TMEM88: variants seen among roughly 807,000 people sequenced by gnomAD.
TMEM88 encodes transmembrane protein 88.
A neutral mutation model predicts 10.0 loss-of-function variants in TMEM88; 8 were observed. The ratio of observed to expected loss-of-function variants is 0.80; its 90% CI spans 0.47 to 1.44. The LOEUF is 1.44. TMEM88 is among the 40% of genes most tolerant of loss of function. The pLI is 0.00. For synonymous variants in TMEM88, 139 were observed against 104.9 expected (o/e 1.33, Z -1.99); for missense variants, 255 against 217.8 (o/e 1.17, Z -1.07).
In TMEM88 at chr17:7,855,117, G is replaced by A. The variant is rs771445035; in HGVS notation, c.43G>A (p.Gly15Ser). Residue 15 changes from glycine to serine, a missense_variant, in exon 1 of 2, where the codon GGC (glycine) becomes AGC (serine). By Grantham distance (56) the Gly-to-Ser change is moderately conservative (BLOSUM62 0). Coordinates refer to ENST00000301599, the MANE Select transcript of TMEM88 (RefSeq NM_203411.2). Reference sequence around the variant, plus strand: ...GGCACAGCGAGCGGTTCCTGGTGACGGCCCAGAGCCCCGGGACCCCCTGGA... The same window carrying A: ...GGCACAGCGAGCGGTTCCTGGTGACAGCCCAGAGCCCCGGGACCCCCTGGA... ...PGAQRAVPGDGPEPRDPLDCW... is the reference protein window; with the variant it reads ...PGAQRAVPGDSPEPRDPLDCW... The A allele has an allele frequency of 1.2e-6, 2 of 1,608,532 alleles. No homozygotes were observed. The highest frequency in any genetic ancestry group is 1.7e-6 in the Non-Finnish European group (2 of 1,179,658).
Position 7,855,803 on chromosome 17 carries a change from G to T in TMEM88, c.*89G>T. On this transcript the variant is annotated 3_prime_UTR_variant, in exon 2 of 2. Transcript: ENST00000301599. Reference sequence around the variant, plus strand: ...AGCCCGGCATCTTCCGACCTGCCCTGCCCCCACCCCTGCCTGAGCGGAGTC... The same window carrying T: ...AGCCCGGCATCTTCCGACCTGCCCTTCCCCCACCCCTGCCTGAGCGGAGTC... 7.0e-7 allele frequency: 1 copy of T among 1,435,778 alleles called. No individual in the cohort carries two copies. The allele number at this position is 1,435,778 out of a possible 1,614,324, so 88.9% of individuals were successfully genotyped here.
chr17:7,855,480 C>T lies in TMEM88; in HGVS notation c.246C>T (p.His82=), dbSNP rs143544768. ...LRSQAPPCTA[H]LRDPGFTALL... is the part of the protein sequence containing the mutation. ...CCCAGGCACCCCCTTGCACCGCGCA[C>T]CTGCGGGACCCCGGTTTCACGGCCC... The change falls in exon 2 of 2, where the codon CAC becomes CAT. Residue 82 remains histidine, a synonymous_variant. Transcript: ENST00000301599. The T allele has an allele frequency of 6.0e-5, 96 of 1,607,364 alleles. No homozygotes were observed. In the African/African-American group the frequency reaches 1.1e-3, roughly 18 times the overall value.
In TMEM88 at chr17:7,855,655, C is replaced by G. The variant is rs199963851; in HGVS notation, c.421C>G (p.Gln141Glu). Residue 141 changes from glutamine (Q) to glutamate (E), a missense_variant, in exon 2 of 2, where the codon CAA becomes GAA. By Grantham distance (29) the Gln-to-Glu change is conservative (BLOSUM62 2). Transcript: ENST00000301599. ...YRRRRAPQPR[Q>E]IRASPGSQAV... ...GCGTCGGCGCGCCCCGCAGCCGCGG[C>G]AAATCCGGGCCTCACCAGGGTCCCA... 132 of 1,606,502 alleles carry G rather than the reference C, an allele frequency of 8.2e-5. 1 individual carries two copies. In the African/African-American group the frequency reaches 1.4e-3, roughly 18 times the overall value.
rs933825947 is a variant in TMEM88, at chr17:7,855,942, G to C, written c.*228G>C. ...CCACATCTCAATCCTGAACATCTAGGCTGGAACCTGCACACCTCCCCCTCA... is the reference window on the plus strand; with the variant it reads ...CCACATCTCAATCCTGAACATCTAGCCTGGAACCTGCACACCTCCCCCTCA... On this transcript the variant is annotated 3_prime_UTR_variant, in exon 2 of 2. Transcript: ENST00000301599. 3.0e-5 allele frequency: 40 copies of C among 1,342,938 alleles called. No homozygotes were observed. Among genetic ancestry groups the C allele is most frequent in the Non-Finnish European group, 3.6e-5 (38 of 1,049,868 alleles). The allele number at this position is 1,342,938 out of a possible 1,614,324, so 83.2% of individuals were successfully genotyped here. A position where few individuals can be genotyped will look rare whatever the true frequency, so the allele number is the denominator to read the frequency against.
At position 7,855,946 on chromosome 17, in the gene TMEM88, G is replaced by T; in HGVS notation, c.*232G>T. On this transcript the variant is annotated 3_prime_UTR_variant, in exon 2 of 2. Coordinates refer to ENST00000301599, the MANE Select transcript of TMEM88 (RefSeq NM_203411.2). ...ATCTCAATCCTGAACATCTAGGCTG[G>T]AACCTGCACACCTCCCCCTCAGCTC... 3 of 1,333,954 alleles carry T rather than the reference G, an allele frequency of 2.2e-6. No individual in the cohort carries two copies. Among genetic ancestry groups the T allele is most frequent in the Non-Finnish European group, 2.9e-6 (3 of 1,044,568 alleles). 82.6% of individuals were successfully genotyped at this position (1,333,954 alleles called of 1,614,324 possible). A position where few individuals can be genotyped will look rare whatever the true frequency, so the allele number is the denominator to read the frequency against.
In TMEM88 at chr17:7,855,752, C is replaced by G. The variant is rs751379397; in HGVS notation, c.*38C>G. On this transcript the variant is annotated 3_prime_UTR_variant, in exon 2 of 2. Transcript: ENST00000301599. ...CAAGAACAACCCTGACGGCTGCCCT[C>G]CCTCTTATTCGGCCCAAGGACTTGA... 6.8e-7 allele frequency: 1 copy of G among 1,473,136 alleles called. No individual in the cohort carries two copies. The highest frequency in any genetic ancestry group is 2.4e-5 in the East Asian group (1 of 40,952). 91.3% of individuals were successfully genotyped at this position (1,473,136 alleles called of 1,614,324 possible). A position where few individuals can be genotyped will look rare whatever the true frequency, so the allele number is the denominator to read the frequency against.
chr17:7,855,744 G>C lies in TMEM88; in HGVS notation c.*30G>C. Reference sequence around the variant, plus strand: ...CCTCGAGTCAAGAACAACCCTGACGGCTGCCCTCCCTCTTATTCGGCCCAA... The same window carrying C: ...CCTCGAGTCAAGAACAACCCTGACGCCTGCCCTCCCTCTTATTCGGCCCAA... On this transcript the variant is annotated 3_prime_UTR_variant, in exon 2 of 2. Coordinates refer to ENST00000301599, the MANE Select transcript of TMEM88 (RefSeq NM_203411.2). 6.7e-7 allele frequency: 1 copy of C among 1,489,956 alleles called. No individual in the cohort carries two copies. Among genetic ancestry groups the C allele is most frequent in the Non-Finnish European group, 8.9e-7 (1 of 1,117,508 alleles). 92.3% of individuals were successfully genotyped at this position (1,489,956 alleles called of 1,614,324 possible). A position where few individuals can be genotyped will look rare whatever the true frequency, so the allele number is the denominator to read the frequency against.
rs1177358906 is a variant in TMEM88, at chr17:7,855,991, A to G, written c.*277A>G. The G allele has an allele frequency of 1.7e-5, 22 of 1,259,136 alleles. No homozygotes were observed. The highest frequency in any genetic ancestry group is 1.9e-5 in the Non-Finnish European group (19 of 998,124). 78.0% of individuals were successfully genotyped at this position (1,259,136 alleles called of 1,614,324 possible). Reference sequence around the variant, plus strand: ...CAGCTCCGTCGTGAATGGGACAACAATCTCGTGCCCTCGTTTTATGGTGCA... The same window carrying G: ...CAGCTCCGTCGTGAATGGGACAACAGTCTCGTGCCCTCGTTTTATGGTGCA... On this transcript the variant is annotated 3_prime_UTR_variant, in exon 2 of 2. Transcript: ENST00000301599.
rs1555597086 is a variant in TMEM88, at chr17:7,855,299, C to T, written c.210+15C>T. 4.0e-5 allele frequency: 63 copies of T among 1,588,978 alleles called. No homozygotes were observed. Among genetic ancestry groups the T allele is most frequent in the Non-Finnish European group, 5.3e-5 (62 of 1,170,010 alleles). ...GCCACTCTCAGGTGAGCGTGCGCCC[C>T]GGGGTGTGCGTGTGAGTGTGAGTGT... On this transcript the variant is annotated intron_variant, in intron 1 of 1. Transcript: ENST00000301599.
Position 7,855,541 on chromosome 17 carries a change from C to T in TMEM88, c.307C>T (p.Leu103Phe). 1 of 1,608,616 alleles carries T rather than the reference C, an allele frequency of 6.2e-7. No individual in the cohort carries two copies. Among genetic ancestry groups the T allele is most frequent in the East Asian group, 2.2e-5 (1 of 44,878 alleles). ...CGGATTCCTGCTCCTCGTGCCGCTG[C>T]TCGTGCTTGCTCTGGCCAGCTACCG... ...VTGFLLLVPL[L>F]VLALASYRRL... Residue 103 changes from leucine (L) to phenylalanine (F), a missense_variant, in exon 2 of 2, where the codon CTC becomes TTC. Transcript: ENST00000301599.
rs539248262 is a variant in TMEM88 at position 7,855,220 on chromosome 17, T to C, written c.146T>C (p.Val49Ala). The C allele has an allele frequency of 6.2e-7, 1 of 1,608,560 alleles. No individual in the cohort carries two copies. The highest frequency in any genetic ancestry group is 2.2e-5 in the East Asian group (1 of 44,694). ...AAFNLLLLVL[V>A]LGTILLPAVT... ...TTCAATCTTCTCCTGCTGGTGCTGGTGCTAGGGACCATCTTGCTACCCGCT... is the reference window on the plus strand; with the variant it reads ...TTCAATCTTCTCCTGCTGGTGCTGGCGCTAGGGACCATCTTGCTACCCGCT... Residue 49 changes from valine to alanine, a missense_variant, in exon 1 of 2, where the codon GTG (valine) becomes GCG (alanine). Coordinates refer to ENST00000301599, the MANE Select transcript of TMEM88 (RefSeq NM_203411.2).
In TMEM88 at chr17:7,855,837, C is replaced by T. The variant is rs1015815837; in HGVS notation, c.*123C>T. On this transcript the variant is annotated 3_prime_UTR_variant, in exon 2 of 2. Transcript: ENST00000301599. ...CCTGCCTGAGCGGAGTCCTAGCATC[C>T]CCTTGGGAGCAGCAGCGTCAGTGGA... 61 of 1,422,864 alleles carry T rather than the reference C, an allele frequency of 4.3e-5. No homozygotes were observed. The highest frequency in any genetic ancestry group is 5.4e-5 in the Non-Finnish European group (59 of 1,091,192). 88.1% of individuals were successfully genotyped at this position (1,422,864 alleles called of 1,614,324 possible).
In TMEM88 at chr17:7,855,474, C is replaced by T; in HGVS notation, c.240C>T (p.Thr80=). Residue 80 remains threonine, a synonymous_variant, in exon 2 of 2, where the codon ACC becomes ACT. Transcript: ENST00000301599. ...TGCGCTCCCAGGCACCCCCTTGCAC[C>T]GCGCACCTGCGGGACCCCGGTTTCA... The part of the protein sequence containing the change: ...QFLRSQAPPC[T]AHLRDPGFTA... 1 of 1,606,540 alleles carries T rather than the reference C, an allele frequency of 6.2e-7. No homozygotes were observed. The highest frequency in any genetic ancestry group is 1.3e-5 in the African/African-American group (1 of 75,038).
At position 7,856,067 on chromosome 17, in the gene TMEM88, G is replaced by A; in HGVS notation, c.*353G>A. ...GGGGCGGGGCTGGAGGGGAAGGAGT[G>A]TCCACGCATCAATAAAGATTTAACG... On this transcript the variant is annotated 3_prime_UTR_variant, in exon 2 of 2. Coordinates refer to ENST00000301599, the MANE Select transcript of TMEM88 (RefSeq NM_203411.2). 1 of 951,930 alleles carries A rather than the reference G, an allele frequency of 1.1e-6. No individual in the cohort carries two copies. The highest frequency in any genetic ancestry group is 1.4e-6 in the Non-Finnish European group (1 of 720,084). The allele number at this position is 951,930 out of a possible 1,614,324, so 59.0% of individuals were successfully genotyped here.
chr17:7,855,215 G>A lies in TMEM88; in HGVS notation c.141G>A (p.Val47=), dbSNP rs746355319. 4.4e-6 allele frequency: 7 copies of A among 1,608,720 alleles called. No homozygotes were observed. Among genetic ancestry groups the A allele is most frequent in the Non-Finnish European group, 5.9e-6 (7 of 1,177,984 alleles). Residue 47 remains valine (V), a synonymous_variant, in exon 1 of 2, where the codon GTG becomes GTA. Coordinates refer to ENST00000301599, the MANE Select transcript of TMEM88 (RefSeq NM_203411.2). Reference sequence around the variant, plus strand: ...CTGCCTTCAATCTTCTCCTGCTGGTGCTGGTGCTAGGGACCATCTTGCTAC... The same window carrying A: ...CTGCCTTCAATCTTCTCCTGCTGGTACTGGTGCTAGGGACCATCTTGCTAC... ...LVAAFNLLLL[V]LVLGTILLPA...
chr17:7,855,893 G>T lies in TMEM88; in HGVS notation c.*179G>T. ...TGCTGAGAAAAGCCCCCACATCCCG[G>T]AAAACCCACTTTCCTTTCACGACCC... On this transcript the variant is annotated 3_prime_UTR_variant, in exon 2 of 2. Coordinates refer to ENST00000301599, the MANE Select transcript of TMEM88 (RefSeq NM_203411.2). The T allele has an allele frequency of 1.4e-6, 2 of 1,390,928 alleles. No individual in the cohort carries two copies. Among genetic ancestry groups the T allele is most frequent in the Non-Finnish European group, 1.9e-6 (2 of 1,075,892 alleles). The allele number at this position is 1,390,928 out of a possible 1,614,324, so 86.2% of individuals were successfully genotyped here.
Position 7,856,004 on chromosome 17 carries a change from G to A in TMEM88, c.*290G>A. ...AATGGGACAACAATCTCGTGCCCTCGTTTTATGGTGCAGCTTCTCTAGTAT... is the reference window on the plus strand; with the variant it reads ...AATGGGACAACAATCTCGTGCCCTCATTTTATGGTGCAGCTTCTCTAGTAT... On this transcript the variant is annotated 3_prime_UTR_variant, in exon 2 of 2. Coordinates refer to ENST00000301599, the MANE Select transcript of TMEM88 (RefSeq NM_203411.2). 1.6e-6 allele frequency: 2 copies of A among 1,231,450 alleles called. No individual in the cohort carries two copies. The highest frequency in any genetic ancestry group is 2.1e-6 in the Non-Finnish European group (2 of 969,482). 76.3% of individuals were successfully genotyped at this position (1,231,450 alleles called of 1,614,324 possible). A position where few individuals can be genotyped will look rare whatever the true frequency, so the allele number is the denominator to read the frequency against.
rs1408799009 is a variant in TMEM88, at chr17:7,855,973, G to C, written c.*259G>C. ...ACCTGCACACCTCCCCCTCAGCTCC[G>C]TCGTGAATGGGACAACAATCTCGTG... On this transcript the variant is annotated 3_prime_UTR_variant, in exon 2 of 2. Coordinates refer to ENST00000301599, the MANE Select transcript of TMEM88 (RefSeq NM_203411.2). The C allele has an allele frequency of 7.8e-7, 1 of 1,289,078 alleles. No individual in the cohort carries two copies. The highest frequency in any genetic ancestry group is 3.0e-5 in the East Asian group (1 of 33,292). 79.9% of individuals were successfully genotyped at this position (1,289,078 alleles called of 1,614,324 possible).
Position 7,855,971 on chromosome 17 carries a change from C to G in TMEM88, c.*257C>G, listed in dbSNP as rs2078804011. The G allele has an allele frequency of 3.9e-6, 5 of 1,296,426 alleles. No homozygotes were observed. Among genetic ancestry groups the G allele is most frequent in the Non-Finnish European group, 4.9e-6 (5 of 1,023,190 alleles). 80.3% of individuals were successfully genotyped at this position (1,296,426 alleles called of 1,614,324 possible). A position where few individuals can be genotyped will look rare whatever the true frequency, so the allele number is the denominator to read the frequency against. On this transcript the variant is annotated 3_prime_UTR_variant, in exon 2 of 2. Transcript: ENST00000301599. ...GAACCTGCACACCTCCCCCTCAGCT[C>G]CGTCGTGAATGGGACAACAATCTCG...
Sources: allele counts gnomAD v4.1 joint callset, GRCh38; gene constraint gnomAD v4.1.1; transcripts MANE v1.5; gene names NCBI Gene and HGNC (gene_info 2026-07-23, HGNC 2026-07-21).